The following CELF4 variants were observed in gnomAD, a reference collection of about 807,000 sequenced individuals.
The protein encoded by CELF4 is CUGBP Elav-like family member 4.
CELF4 carries 18 observed loss-of-function variants against 59.9 expected under a neutral mutation model. The ratio of observed to expected loss-of-function variants is 0.30; its 90% CI spans 0.21 to 0.45. CELF4 has a LOEUF of 0.45. Ranked by LOEUF, CELF4 falls within the 20% of genes least tolerant of loss-of-function variation. The probability of loss-of-function intolerance (pLI) is 1.00; values close to 1 mark genes in which losing one functional copy is unlikely to be tolerated. For synonymous variants in CELF4, 261 were observed against 267.1 expected (o/e 0.98, Z 0.22); for missense variants, 456 against 689.0 (o/e 0.66, Z 3.79).
intron 1 of CELF4, among the ~76,000 whole-genome samples, chr18:37,494,286 G>T (rs1424086243): frequency 6.6e-6 from 1 of 152,172 alleles, no homozygotes; most frequent in East Asian, 1.9e-4. Context: ...ACATATTGAT[G>T]GCCTGTCCCC....
intron 1 of CELF4, among the ~76,000 whole-genome samples, chr18:37,536,128 TTTG>T (rs1265752853): frequency 6.6e-6 from 1 of 152,038 alleles, no homozygotes; most frequent in Non-Finnish European, 1.5e-5. Context: ...TGGACATTTT[TTTG>T]TTGTTGTTGG....
intron 1 of CELF4, among the ~76,000 whole-genome samples, chr18:37,516,200 C>T (rs1437852607): frequency 6.6e-6 from 1 of 152,164 alleles, no homozygotes; most frequent in Non-Finnish European, 1.5e-5. Flanking sequence ...CTTCCTGCCC[C>T]CTGGTAGACC....
intron 1 of CELF4, among the ~76,000 whole-genome samples, chr18:37,528,540 A>G (rs1271492525): frequency 1.3e-5 from 2 of 152,236 alleles, no homozygotes; most frequent in Non-Finnish European, 2.9e-5. Context: ...ATTTGGAAAG[A>G]TCCAAGATAT....
At chr18:37,407,359 T>C (rs956326980) in intron 2 of CELF4, among the ~76,000 whole-genome samples, 3 of 152,174 alleles carry the variant, frequency 2.0e-5, no homozygotes, top group African/African-American at 7.2e-5. Flanking sequence ...TGAGCAGACA[T>C]GGCACCTGCC....
At chr18:37,243,037 A>ATATTT (rs1365341344), downstream of CELF4, 1 of 152,222 alleles carries the variant, frequency 6.6e-6, no homozygotes, top group Non-Finnish European at 1.5e-5. Flanking sequence ...CAATGAAGAA[A>ATATTT]TATTTTTTTA....
At chr18:37,497,026 C>G (rs971688571) in intron 1 of CELF4, among the ~76,000 whole-genome samples, 1 of 152,272 alleles carries the variant, frequency 6.6e-6, no homozygotes, top group East Asian at 1.9e-4. Context: ...CCAAGTCATC[C>G]TGCAATCATT....
intron 2 of CELF4, among the ~76,000 whole-genome samples, chr18:37,449,213 T>C (rs1038732863): frequency 6.6e-6 from 1 of 152,160 alleles, no homozygotes; most frequent in Non-Finnish European, 1.5e-5. Context: ...GGCATCTGAA[T>C]GCTTTAGAAC....
intron 2 of CELF4, among the ~76,000 whole-genome samples, chr18:37,418,292 C>A (rs183888648): frequency 5.5e-4 from 84 of 152,304 alleles, no homozygotes; most frequent in African/African-American, 1.9e-3. Flanking sequence ...AGGTTTCAAA[C>A]TTGGTCAAGC....
At chr18:37,266,635 C>T (rs1221079470) in intron 8 of CELF4, 37 bp from the exon 9 acceptor site, 3 of 1,517,034 alleles carry the variant, frequency 2.0e-6, no homozygotes, top group Non-Finnish European at 2.7e-6. Context: ...CAGCAGTGCC[C>T]ACCACACTGG....
intron 3 of CELF4, among the ~76,000 whole-genome samples, chr18:37,309,136 C>T (rs1055607890): frequency 4.6e-5 from 7 of 152,180 alleles, no homozygotes; most frequent in Admixed American, 4.6e-4. Context: ...TGAGGCAGGA[C>T]CCATCCTCAT....
intron 2 of CELF4, among the ~76,000 whole-genome samples, chr18:37,325,008 C>A (rs1161267550): frequency 2.0e-5 from 3 of 152,106 alleles, no homozygotes; most frequent in Non-Finnish European, 4.4e-5. Flanking sequence ...AAGTTCCAAG[C>A]AGAGGCCAGG....
intron 1 of CELF4, among the ~76,000 whole-genome samples, chr18:37,530,144 C>A (rs1397762160): frequency 6.6e-6 from 1 of 152,146 alleles, no homozygotes; most frequent in Non-Finnish European, 1.5e-5. Flanking sequence ...TCCTGCACTT[C>A]GGGTGAAAGT....
At chr18:37,347,664 A>G (rs1603623241) in intron 2 of CELF4, among the ~76,000 whole-genome samples, 2 of 152,156 alleles carry the variant, frequency 1.3e-5, no homozygotes, top group African/African-American at 4.8e-5. Flanking sequence ...GCCAGCCCCA[A>G]ACCTGCCCCT....
chr18:37,514,970 A>T (rs557712372), intron 1 of CELF4, among the ~76,000 whole-genome samples: 47 of 152,170 alleles, frequency 3.1e-4, no homozygotes, highest in Admixed American at 9.8e-4. Context: ...ATCTTTTTTT[A>T]AAAAAATGCC....
chr18:37,459,685 C>T (rs1026389262), intron 2 of CELF4, among the ~76,000 whole-genome samples: 1 of 152,100 alleles, frequency 6.6e-6, no homozygotes, highest in Non-Finnish European at 1.5e-5. Context: ...GGATGCATGC[C>T]GATCTTCAGC....
intron 1 of CELF4, among the ~76,000 whole-genome samples, chr18:37,541,468 C>A: frequency 6.6e-6 from 1 of 152,150 alleles, no homozygotes; most frequent in Non-Finnish European, 1.5e-5. Flanking sequence ...CATGCCCCAC[C>A]ATTGCTCCTC....
chr18:37,536,586 G>T (rs2099973713), intron 1 of CELF4, among the ~76,000 whole-genome samples: 1 of 152,184 alleles, frequency 6.6e-6, no homozygotes, highest in East Asian at 1.9e-4. Context: ...TGTGGGATGG[G>T]TGAGGCAGAG....
chr18:37,351,096 C>T (rs748694671), intron 2 of CELF4, among the ~76,000 whole-genome samples: 22 of 152,056 alleles, frequency 1.4e-4, no homozygotes, highest in Admixed American at 2.6e-4. Flanking sequence ...CATTTAAAAA[C>T]GCAAAGGTGC....
intron 3 of CELF4, among the ~76,000 whole-genome samples, chr18:37,300,300 C>G (rs1161519107): frequency 6.6e-6 from 1 of 151,986 alleles, no homozygotes; most frequent in Non-Finnish European, 1.5e-5. Flanking sequence ...TCTCAGCTCA[C>G]TGCAACCTCC....
Sources: gnomAD v4.1 joint callset for allele counts (sites outside exome capture counted in the v4.1 genomes callset) on GRCh38, gnomAD v4.1.1 for gene constraint, MANE v1.5 for transcripts, NCBI Gene and HGNC (gene_info 2026-07-23, HGNC 2026-07-21) for gene names.